ANKRD29: variants seen among roughly 807,000 people sequenced by gnomAD.
The protein encoded by ANKRD29 is ankyrin repeat domain-containing protein 29.
ANKRD29 carries 32 observed loss-of-function variants against 38.0 expected under a neutral mutation model. The observed-to-expected ratio is 0.84, with a 90% CI of 0.64 to 1.13. The LOEUF (loss-of-function observed/expected upper bound fraction) is 1.13, where lower values mean the gene tolerates loss of function less well. Ranked by LOEUF, ANKRD29 falls within the 50% of genes most tolerant of loss-of-function variation. The pLI is 0.00. For synonymous variants in ANKRD29, 135 were observed against 152.4 expected (o/e 0.89, Z 0.84); for missense variants, 357 against 377.9 (o/e 0.94, Z 0.46).
chr18:23,617,694 T>C (rs773225036), intron 8 of ANKRD29, 38 bp downstream of exon 8: 1 of 1,564,874 alleles, frequency 6.4e-7, no homozygotes, highest in South Asian at 1.1e-5. Flanking sequence ...TTCTAACCTC[T>C]CTCTTACAGA....
intron 6 of ANKRD29, among the ~76,000 whole-genome samples, chr18:23,622,405 G>A (rs2059807831): frequency 6.6e-6 from 1 of 152,090 alleles, no homozygotes; most frequent in African/African-American, 2.4e-5. Flanking sequence ...TTTGTTCTTT[G>A]TCACTCTCTC....
chr18:23,655,093 C>T (rs953207109), intron 1 of ANKRD29, among the ~76,000 whole-genome samples: 3 of 152,136 alleles, frequency 2.0e-5, no homozygotes, highest in Admixed American at 2.0e-4. Flanking sequence ...CATTGTCCCA[C>T]TTTGTGCTAA....
intron 5 of ANKRD29, among the ~76,000 whole-genome samples, chr18:23,631,562 C>T (rs2059933173): frequency 6.6e-6 from 1 of 151,928 alleles, no homozygotes; most frequent in South Asian, 2.1e-4. Context: ...GTCTCTAAAA[C>T]AAAACAAGAC....
chr18:23,658,027 T>C (rs1245731188), intron 1 of ANKRD29, among the ~76,000 whole-genome samples: 1 of 152,242 alleles, frequency 6.6e-6, no homozygotes, highest in Non-Finnish European at 1.5e-5. Flanking sequence ...TTGTGACCTG[T>C]CATTCCTTTC....
At chr18:23,605,739 C>T (rs961949181) in intron 9 of ANKRD29, among the ~76,000 whole-genome samples, 2 of 151,942 alleles carry the variant, frequency 1.3e-5, no homozygotes, top group African/African-American at 4.8e-5. Flanking sequence ...GTTGGCCAGG[C>T]TAGTCTCGAA....
chr18:23,632,102 C>T (rs892008369), intron 5 of ANKRD29, among the ~76,000 whole-genome samples: 3 of 152,230 alleles, frequency 2.0e-5, no homozygotes, highest in Non-Finnish European at 2.9e-5. Flanking sequence ...TGCCAAACTG[C>T]CCTCCAGGCA....
chr18:23,642,812 C>G (rs938788756), intron 3 of ANKRD29, among the ~76,000 whole-genome samples: 2 of 152,200 alleles, frequency 1.3e-5, no homozygotes, highest in African/African-American at 4.8e-5. Context: ...CTTACAGTCA[C>G]CTCTTCCTTA....
At chr18:23,618,868 G>A (rs1359221320) in intron 7 of ANKRD29, 1 of 152,050 alleles carries the variant, frequency 6.6e-6, no homozygotes, top group Non-Finnish European at 1.5e-5. Context: ...GTGGGAAGAA[G>A]AAGAGTGAGA....
chr18:23,605,037 C>T, intron 9 of ANKRD29, among the ~76,000 whole-genome samples: 1 of 152,070 alleles, frequency 6.6e-6, no homozygotes, highest in East Asian at 1.9e-4. Flanking sequence ...TCTCCTGCTT[C>T]AGCCTCCTGA....
At chr18:23,658,301 G>A (rs1343258950) in intron 1 of ANKRD29, among the ~76,000 whole-genome samples, 5 of 152,178 alleles carry the variant, frequency 3.3e-5, no homozygotes, top group Admixed American at 6.5e-5. Context: ...CCAGCTACTC[G>A]GGAGACTGAG....
At chr18:23,659,684 G>C (rs1028866267) in intron 1 of ANKRD29, among the ~76,000 whole-genome samples, 1 of 147,756 alleles carries the variant, frequency 6.8e-6, no homozygotes, top group Non-Finnish European at 1.5e-5. Flanking sequence ...CAGAGGTTGC[G>C]GTGAGCTGAG....
intron 5 of ANKRD29, 36 bp downstream of exon 5, chr18:23,634,015 G>T: frequency 6.3e-7 from 1 of 1,598,002 alleles, no homozygotes; most frequent in Non-Finnish European, 8.6e-7. Context: ...TGTATGTGAT[G>T]AGAAATGTCC....
intron 9 of ANKRD29, among the ~76,000 whole-genome samples, chr18:23,610,345 G>A (rs936201715): frequency 6.6e-6 from 1 of 152,196 alleles, no homozygotes; most frequent in Non-Finnish European, 1.5e-5. Context: ...GGGCATGATG[G>A]TGCACACCTG....
chr18:23,639,042 A>G, intron 3 of ANKRD29, 95 bp from the exon 4 acceptor site: 1 of 976,174 alleles, frequency 1.0e-6, no homozygotes, highest in South Asian at 1.9e-5. Context: ...ATCCTTGCAT[A>G]GAAAACTTCT....
Position 23,646,232 on chromosome 18 carries a change from C to G in ANKRD29, c.188G>C (p.Arg63Thr), listed in dbSNP as rs2060138263. The change falls in exon 3 of 10, where the codon AGG becomes ACG. Residue 63 changes from arginine (R) to threonine (T), a missense_variant. Coordinates refer to ENST00000592179, the MANE Select transcript of ANKRD29 (RefSeq NM_173505.4). Reference sequence around the variant, plus strand: ...GTCTGCTCCTTGCAGAACCAGTTCCCTCACACAGTCTATGTGGCCAGCGTA... The same window carrying G: ...GTCTGCTCCTTGCAGAACCAGTTCCGTCACACAGTCTATGTGGCCAGCGTA... The part of the protein sequence containing the change: ...AAYAGHIDCV[R>T]ELVLQGADIN... 1.2e-6 allele frequency: 2 copies of G among 1,614,048 alleles called. No individual in the cohort carries two copies. The highest frequency in any genetic ancestry group is 1.7e-6 in the Non-Finnish European group (2 of 1,180,034).
Position 23,619,524 on chromosome 18 carries a change from C to A in ANKRD29, c.627+7G>T. ...TCGCTCTTTGGCCGCGCGACTCGGG[C>A]ACTCACGTTCCGCGCAGCGTCGCGG... is the stretch of plus-strand genomic sequence containing the variant. On this transcript the variant is annotated splice_region_variant and intron_variant, in intron 7 of 9. Transcript: ENST00000592179. 2 of 1,582,750 alleles carry A rather than the reference C, an allele frequency of 1.3e-6. No individual in the cohort carries two copies. The highest frequency in any genetic ancestry group is 2.3e-5 in the East Asian group (1 of 44,176).
At chr18:23,650,917 T>C (rs772179060) in intron 1 of ANKRD29, among the ~76,000 whole-genome samples, 2 of 152,246 alleles carry the variant, frequency 1.3e-5, no homozygotes, top group Non-Finnish European at 2.9e-5. Flanking sequence ...ATTCACATTG[T>C]TTAATGAAAG....
intron 1 of ANKRD29, among the ~76,000 whole-genome samples, chr18:23,652,516 C>T (rs979460619): frequency 2.0e-5 from 3 of 152,138 alleles, no homozygotes; most frequent in African/African-American, 7.2e-5. Context: ...GATGGAAAGT[C>T]CCCAACGTTC....
intron 9 of ANKRD29, among the ~76,000 whole-genome samples, chr18:23,605,125 T>C (rs1012201564): frequency 3.9e-5 from 6 of 152,148 alleles, no homozygotes; most frequent in Non-Finnish European, 8.8e-5. Flanking sequence ...TTCGCCATGT[T>C]GGACAGGCTG....
Sources: gnomAD v4.1 joint callset for allele counts (sites outside exome capture counted in the v4.1 genomes callset) on GRCh38, gnomAD v4.1.1 for gene constraint, MANE v1.5 for transcripts, NCBI Gene and HGNC (gene_info 2026-07-23, HGNC 2026-07-21) for gene names.